The following ZNF618 variants were observed in gnomAD, a reference collection of about 807,000 sequenced individuals.
ZNF618 encodes the protein neural precursor cell expressed, developmentally down-regulated 10.
A neutral mutation model predicts 103.0 loss-of-function variants in ZNF618; 34 were observed. The observed-to-expected ratio is 0.33, with a 90% CI of 0.25 to 0.44. The LOEUF (loss-of-function observed/expected upper bound fraction) is 0.44, where lower values mean the gene tolerates loss of function less well. Ranked by LOEUF, ZNF618 falls within the 20% of genes least tolerant of loss-of-function variation. ZNF618 has a pLI of 1.00. For synonymous variants in ZNF618, 551 were observed against 542.2 expected (o/e 1.02, Z -0.23); for missense variants, 1,059 against 1,295.4 (o/e 0.82, Z 2.80).
chr9:114,052,764 A>G lies in ZNF618; in HGVS notation c.*2597A>G, dbSNP rs1026410126. 1.3e-5 allele frequency: 2 copies of G among 152,240 alleles called. No individual in the cohort carries two copies. Among genetic ancestry groups the G allele is most frequent in the Non-Finnish European group, 1.5e-5 (1 of 68,056 alleles). The allele number at this position is 152,240 out of a possible 1,614,324, so 9.4% of individuals were successfully genotyped here. A position where few individuals can be genotyped will look rare whatever the true frequency, so the allele number is the denominator to read the frequency against. On this transcript the variant is annotated 3_prime_UTR_variant, in exon 15 of 15. Coordinates refer to ENST00000374126, the MANE Select transcript of ZNF618 (RefSeq NM_001318042.2). ...GCTGGTGATGCCCCATTATTGGGCC[A>G]GTTGATTAGAAAATAGGCATTTCAC...
At chr9:114,045,660 A>G (rs1801523206) in intron 13 of ZNF618, among the ~76,000 whole-genome samples, 1 of 151,916 alleles carries the variant, frequency 6.6e-6, no homozygotes. Context: ...TATTCCTCCA[A>G]CGTTGTCCTT....
Position 114,048,783 on chromosome 9 carries a change from A to C in ZNF618, c.1481A>C (p.Lys494Thr). The C allele has an allele frequency of 6.2e-7, 1 of 1,614,062 alleles. No individual in the cohort carries two copies. Among genetic ancestry groups the C allele is most frequent in the Non-Finnish European group, 8.5e-7 (1 of 1,179,898 alleles). Residue 494 changes from lysine to threonine, a missense_variant, in exon 15 of 15, where the codon AAG becomes ACG. Coordinates refer to ENST00000374126, the MANE Select transcript of ZNF618 (RefSeq NM_001318042.2). ...GTGGTCAGCGGGAAGGAGTTCCTGA[A>C]GTTGGCCCAGACCTTAGTAGACAGT... ...LSVVSGKEFL[K>T]LAQTLVDSGA...
chr9:114,018,208 G>A (rs1842799670), intron 10 of ZNF618, among the ~76,000 whole-genome samples: 1 of 152,224 alleles, frequency 6.6e-6, no homozygotes, highest in African/African-American at 2.4e-5. Flanking sequence ...ATCTTGTGTG[G>A]AGAGAGAGGA....
At chr9:113,890,173 G>A (rs966176469) in intron 1 of ZNF618, among the ~76,000 whole-genome samples, 1 of 151,922 alleles carries the variant, frequency 6.6e-6, no homozygotes. Flanking sequence ...TTTCCCAAGC[G>A]AAAATAGTTT....
intron 1 of ZNF618, among the ~76,000 whole-genome samples, chr9:113,959,904 C>T (rs814690): frequency 0.06 from 9,165 of 152,298 alleles, 371 homozygotes; most frequent in African/African-American, 0.12. Flanking sequence ...CCACCACGCC[C>T]GGCCCCCTTC....
At chr9:114,042,874 T>G (rs958798410) in intron 13 of ZNF618, among the ~76,000 whole-genome samples, 10 of 152,196 alleles carry the variant, frequency 6.6e-5, no homozygotes, top group African/African-American at 2.4e-4. Context: ...AGTTCCTTCA[T>G]GCCCCTTTGC....
chr9:114,029,703 A>C (rs184638098), intron 11 of ZNF618, among the ~76,000 whole-genome samples: 1 of 152,226 alleles, frequency 6.6e-6, no homozygotes, highest in East Asian at 1.9e-4. Context: ...GTTGACCTAG[A>C]TCTCTGGTCT....
intron 10 of ZNF618, among the ~76,000 whole-genome samples, chr9:114,021,509 C>T (rs1423055797): frequency 6.6e-6 from 1 of 152,050 alleles, no homozygotes; most frequent in African/African-American, 2.4e-5. Flanking sequence ...TATATTTAAT[C>T]AGTGGTGTGT....
At chr9:113,945,537 T>G (rs1259336239) in intron 1 of ZNF618, among the ~76,000 whole-genome samples, 1 of 152,208 alleles carries the variant, frequency 6.6e-6, no homozygotes, top group Non-Finnish European at 1.5e-5. Flanking sequence ...AAATAGATGA[T>G]CAGTAAGTAT....
chr9:113,980,192 A>T (rs1838850796), intron 2 of ZNF618, among the ~76,000 whole-genome samples: 1 of 152,068 alleles, frequency 6.6e-6, no homozygotes, highest in Non-Finnish European at 1.5e-5. Flanking sequence ...GATGGTGGTT[A>T]TTTGATTGTA....
At position 114,050,765 on chromosome 9, in the gene ZNF618, A is replaced by AC. The variant is rs536132012; in HGVS notation, c.*605dup. On this transcript the variant is annotated 3_prime_UTR_variant, in exon 15 of 15. Transcript: ENST00000374126. The stretch of plus-strand genomic sequence containing the variant: ...TCCTACCCTCCTGATCCCATTGTGC[A>AC]CCCCCCCACACACTCGGCTGCTCTG... The AC allele has an allele frequency of 3.4e-4, 51 of 151,010 alleles. No individual in the cohort carries two copies. Among genetic ancestry groups the AC allele is most frequent in the Non-Finnish European group, 2.4e-4 (16 of 67,920 alleles). The allele number at this position is 151,010 out of a possible 1,614,324, so 9.4% of individuals were successfully genotyped here.
At chr9:113,938,971 GTTTTAATAGT>G (rs1834296719) in intron 1 of ZNF618, among the ~76,000 whole-genome samples, 1 of 149,432 alleles carries the variant, frequency 6.7e-6, no homozygotes, top group Admixed American at 6.7e-5. Flanking sequence ...ATTCCCTTTT[GTTTTAATAGT>G]TTTCCAGTTG....
chr9:114,011,548 C>T (rs1268549403), intron 9 of ZNF618, among the ~76,000 whole-genome samples: 1 of 152,200 alleles, frequency 6.6e-6, no homozygotes, highest in Non-Finnish European at 1.5e-5. Context: ...CAGGAGCTGC[C>T]TTGTGAGACA....
At chr9:113,950,001 A>G (rs879352244) in intron 1 of ZNF618, among the ~76,000 whole-genome samples, 4 of 152,038 alleles carry the variant, frequency 2.6e-5, no homozygotes, top group African/African-American at 7.3e-5. Flanking sequence ...GCCCCCCTCA[A>G]ATCTTCCATT....
intron 10 of ZNF618, among the ~76,000 whole-genome samples, chr9:114,020,033 A>G (rs926047907): frequency 6.6e-6 from 1 of 152,198 alleles, no homozygotes; most frequent in African/African-American, 2.4e-5. Flanking sequence ...GATGTGAGGT[A>G]TGAGTTGAGA....
At chr9:113,903,744 T>C (rs1448497920) in intron 1 of ZNF618, among the ~76,000 whole-genome samples, 3 of 152,154 alleles carry the variant, frequency 2.0e-5, no homozygotes, top group Non-Finnish European at 4.4e-5. Context: ...TTTCAGTACT[T>C]TAAAGATGTT....
intron 1 of ZNF618, among the ~76,000 whole-genome samples, chr9:113,968,080 A>G (rs552161670): frequency 1.3e-5 from 2 of 152,338 alleles, no homozygotes; most frequent in South Asian, 2.1e-4. Context: ...CTGAAATTCA[A>G]AAAAACTCAA....
chr9:114,000,360 C>G (rs191825750), intron 4 of ZNF618, among the ~76,000 whole-genome samples: 1 of 152,132 alleles, frequency 6.6e-6, no homozygotes, highest in African/African-American at 2.4e-5. Context: ...AGGATGTGTC[C>G]GAGATCAAAC....
chr9:113,885,696 C>T (rs1332979119), intron 1 of ZNF618, among the ~76,000 whole-genome samples: 1 of 152,160 alleles, frequency 6.6e-6, no homozygotes, highest in Non-Finnish European at 1.5e-5. Context: ...AGTGGGAGGA[C>T]AGGCCATCCT....
Sources: allele counts gnomAD v4.1 joint callset (sites outside exome capture counted in the v4.1 genomes callset), GRCh38; gene constraint gnomAD v4.1.1; transcripts MANE v1.5; gene names NCBI Gene and HGNC (gene_info 2026-07-23, HGNC 2026-07-21).